Variants in TVP23A observed in about 807,000 individuals in gnomAD.
The protein encoded by TVP23A is trans-golgi network vesicle protein 23 homolog A.
TVP23A carries 21 observed loss-of-function variants against 31.7 expected under a neutral mutation model. The observed-to-expected ratio is 0.66, with a 90% CI of 0.47 to 0.95. The LOEUF is 0.95. TVP23A is among the 40% of genes least tolerant of loss of function. The pLI is 0.00. For synonymous variants in TVP23A, 104 were observed against 96.0 expected (o/e 1.08, Z -0.49); for missense variants, 279 against 255.6 (o/e 1.09, Z -0.62).
Position 10,761,457 on chromosome 16 carries a change from A to C in TVP23A, c.*318T>G, listed in dbSNP as rs569894248. 5.0e-6 allele frequency: 8 copies of C among 1,614,002 alleles called. No homozygotes were observed. The South Asian group carries it at 8.8e-5, about 18-fold the overall frequency. ...GGTGGTGGAGAACATGAGTGGCTTC[A>C]TCTGTCCTAAGTGCAAGGTGAGGGC... On this transcript the variant is annotated 3_prime_UTR_variant and NMD_transcript_variant, in exon 9 of 9. Transcript: ENST00000456096.
chr16:10,798,239 G>A (rs142168641), intron 2 of TVP23A, among the ~76,000 whole-genome samples: 2 of 152,072 alleles, frequency 1.3e-5, no homozygotes, highest in African/African-American at 4.8e-5. Flanking sequence ...GATTACAGGT[G>A]TGCGCCCGCG....
At chr16:10,788,497 G>T (rs1195823186) in intron 2 of TVP23A, among the ~76,000 whole-genome samples, 1 of 152,076 alleles carries the variant, frequency 6.6e-6, no homozygotes, top group Non-Finnish European at 1.5e-5. Flanking sequence ...GCTGGTCTCT[G>T]TTGGGGACCA....
In TVP23A at chr16:10,777,426, C is replaced by T. The variant is rs545024196; in HGVS notation, c.90-2330G>A. ...TTGTGGGCTTTGGAAAATGCGGGGC[C>T]GAATGGGGTGGTCACAGAGATCCAC... On this transcript the variant is annotated intron_variant, in intron 2 of 7. Transcript: ENST00000299866. The surrounding 1 kb of genome is among the most constrained non-coding windows in gnomAD (Gnocchi z 4.5). 2.9e-5 allele frequency among the ~76,000 whole-genome samples: 4 copies of T among 139,412 alleles called. No individual in the cohort carries two copies. Among genetic ancestry groups the T allele is most frequent in the South Asian group, 4.7e-4 (2 of 4,246 alleles). The allele number at this position is 139,412 out of a possible 152,430, so 91.5% of individuals were successfully genotyped here. A position where few individuals can be genotyped will look rare whatever the true frequency, so the allele number is the denominator to read the frequency against.
intron 4 of TVP23A, among the ~76,000 whole-genome samples, chr16:10,773,769 C>T (rs1413180667): frequency 6.6e-6 from 1 of 152,112 alleles, no homozygotes. Context: ...CAGGGTTTCA[C>T]CATGTTGCCC....
rs113887233 is a variant in TVP23A, at chr16:10,818,192, G to A, written c.10-10C>T. On this transcript the variant is annotated splice_polypyrimidine_tract_variant and intron_variant, in intron 1 of 7. Transcript: ENST00000299866. The surrounding 1 kb of genome is among the most constrained non-coding windows in gnomAD (Gnocchi z 4.7). Reference sequence around the variant, plus strand: ...TATCGTCCACCAGGGCCTGGGAGGAGAGCAAGGGCAGGTGGCAGGCCCAAG... The same window carrying A: ...TATCGTCCACCAGGGCCTGGGAGGAAAGCAAGGGCAGGTGGCAGGCCCAAG... 1.5e-3 allele frequency: 2,356 copies of A among 1,599,484 alleles called. 2 individuals are homozygous for A. Among genetic ancestry groups the A allele is most frequent in the Non-Finnish European group, 1.9e-3 (2,201 of 1,173,078 alleles).
rs1360767212 is a variant in TVP23A at position 10,767,966 on chromosome 16, G to A, written c.*1136C>T. 2 of 1,614,174 alleles carry A rather than the reference G, an allele frequency of 1.2e-6. No individual in the cohort carries two copies. Among genetic ancestry groups the A allele is most frequent in the Non-Finnish European group, 1.7e-6 (2 of 1,180,026 alleles). On this transcript the variant is annotated 3_prime_UTR_variant, in exon 8 of 8. Coordinates refer to ENST00000299866, the MANE Select transcript of TVP23A (RefSeq NM_001079512.4). This position sits in a 1 kb window ranked among gnomAD's most constrained non-coding sequence, Gnocchi z 4.6. ...TTTTTAAGGTAAGAATTGTGACAAA[G>A]GCCAGTCTTTTTTCATTGACGCCCC...
At chr16:10,815,936 TC>T (rs1374386557) in intron 2 of TVP23A, among the ~76,000 whole-genome samples, 1 of 149,242 alleles carries the variant, frequency 6.7e-6, no homozygotes, top group Non-Finnish European at 1.5e-5. Flanking sequence ...AATATCCAGG[TC>T]CTGGATGGGT....
Position 10,779,808 on chromosome 16 carries a change from C to T in TVP23A, c.90-4712G>A, listed in dbSNP as rs1281259184. 6.6e-6 allele frequency among the ~76,000 whole-genome samples: 1 copy of T among 152,180 alleles called. No individual in the cohort carries two copies. Among genetic ancestry groups the T allele is most frequent in the Non-Finnish European group, 1.5e-5 (1 of 68,036 alleles). On this transcript the variant is annotated intron_variant, in intron 2 of 7. Transcript: ENST00000299866. This position sits in a 1 kb window ranked among gnomAD's most constrained non-coding sequence, Gnocchi z 4.9. ...GCATTCATCTAAAATAAGTGATTGG[C>T]CGGGGGCGGTGGCTCACGCCTGTAA...
At chr16:10,814,968 G>A (rs576685129) in intron 2 of TVP23A, among the ~76,000 whole-genome samples, 1 of 152,268 alleles carries the variant, frequency 6.6e-6, no homozygotes, top group East Asian at 1.9e-4. Flanking sequence ...TTACCTCCAA[G>A]CCTCCCCATG....
At chr16:10,809,729 G>A (rs1013524277) in intron 2 of TVP23A, among the ~76,000 whole-genome samples, 6 of 152,116 alleles carry the variant, frequency 3.9e-5, no homozygotes, top group Non-Finnish European at 8.8e-5. Context: ...CTAGGGAGTG[G>A]TAGAATCAAG....
At chr16:10,810,568 A>C (rs1053253379) in intron 2 of TVP23A, among the ~76,000 whole-genome samples, 1 of 151,610 alleles carries the variant, frequency 6.6e-6, no homozygotes, top group East Asian at 1.9e-4. Context: ...AAAAGAAAAG[A>C]AAAGAAAAGA....
chr16:10,760,566 A>G (rs1900877374), downstream of TVP23A, among the ~76,000 whole-genome samples: 1 of 152,160 alleles, frequency 6.6e-6, no homozygotes, highest in South Asian at 2.1e-4. Flanking sequence ...GGCAACAACC[A>G]TCTCTATAAA....
Position 10,818,424 on chromosome 16 carries a change from C to T in TVP23A, c.9+61G>A. On this transcript the variant is annotated intron_variant, in intron 1 of 7. Coordinates refer to ENST00000299866, the MANE Select transcript of TVP23A (RefSeq NM_001079512.4). The surrounding 1 kb of genome is among the most constrained non-coding windows in gnomAD (Gnocchi z 4.7). ...CTCCTCCTCCTCCCGGCTTCTCCAG[C>T]GCTCCCGCAGGCTCCCCTCGTCCCG... is the stretch of plus-strand genomic sequence containing the variant. 1 of 1,582,676 alleles carries T rather than the reference C, an allele frequency of 6.3e-7. No homozygotes were observed. Among genetic ancestry groups the T allele is most frequent in the Non-Finnish European group, 8.6e-7 (1 of 1,168,840 alleles).
downstream of TVP23A, chr16:10,757,903 A>G: frequency 6.2e-7 from 1 of 1,613,862 alleles, no homozygotes; most frequent in Non-Finnish European, 8.5e-7. The surrounding 1 kb of genome is among the most constrained non-coding windows in gnomAD (Gnocchi z 4.1). Context: ...CGAGATGTGG[A>G]CTGGGGAGAG....
At chr16:10,760,229 C>T (rs1164670804), downstream of TVP23A, among the ~76,000 whole-genome samples, 1 of 152,250 alleles carries the variant, frequency 6.6e-6, no homozygotes, top group Non-Finnish European at 1.5e-5. Context: ...GTTGCGGACC[C>T]CACGGTCCCT....
chr16:10,775,645 G>A, intron 2 of TVP23A: 4 of 715,600 alleles, frequency 5.6e-6, no homozygotes, highest in Non-Finnish European at 6.9e-6. Flanking sequence ...TTAATCTAGG[G>A]GAAGGTGGTT....
intron 2 of TVP23A, among the ~76,000 whole-genome samples, chr16:10,790,715 C>T (rs1164635674): frequency 6.6e-6 from 1 of 152,014 alleles, no homozygotes; most frequent in Non-Finnish European, 1.5e-5. Flanking sequence ...TTGTAGGGGT[C>T]CTATCCAGGC....
At chr16:10,812,035 C>A (rs1327258017) in intron 2 of TVP23A, among the ~76,000 whole-genome samples, 1 of 149,566 alleles carries the variant, frequency 6.7e-6, no homozygotes, top group Admixed American at 6.7e-5. Context: ...TATTAATATA[C>A]AGAATAAAGA....
intron 2 of TVP23A, among the ~76,000 whole-genome samples, chr16:10,804,817 C>T (rs1361167612): frequency 1.3e-5 from 2 of 152,160 alleles, no homozygotes; most frequent in East Asian, 3.9e-4. Context: ...ATTCACAACC[C>T]ACAAAATTAA....
Sources: gnomAD v4.1 joint callset for allele counts (sites outside exome capture counted in the v4.1 genomes callset) on GRCh38, gnomAD v4.1.1 for gene constraint, Gnocchi (gnomAD v3.1) non-coding constraint, MANE v1.5 for transcripts, NCBI Gene and HGNC (gene_info 2026-07-23, HGNC 2026-07-21) for gene names.